Variants in CCDC73 observed in about 807,000 individuals in gnomAD.
CCDC73 encodes coiled-coil domain containing 73, also known as coiled-coil domain-containing protein 73.
Under a neutral mutation model 116.5 loss-of-function variants are expected in CCDC73, and 95 were observed. The observed-to-expected ratio is 0.82, with a 90% CI of 0.69 to 0.97. The LOEUF (loss-of-function observed/expected upper bound fraction) is 0.97, where lower values mean the gene tolerates loss of function less well. Among genes scored for constraint, CCDC73 ranks in the 50% least tolerant of loss-of-function variants. CCDC73 has a pLI of 0.00. For synonymous variants in CCDC73, 398 were observed against 401.3 expected (o/e 0.99, Z 0.10); for missense variants, 1,066 against 1,206.8 (o/e 0.88, Z 1.73).
chr11:32,772,515 A>G (rs1003601727), intron 1 of CCDC73, among the ~76,000 whole-genome samples: 2 of 152,170 alleles, frequency 1.3e-5, no homozygotes, highest in African/African-American at 4.8e-5. Context: ...TTGAGATAAT[A>G]TTCCTGAATC....
chr11:32,725,108 TAAG>T (rs1436274425), intron 2 of CCDC73, among the ~76,000 whole-genome samples: 3 of 152,090 alleles, frequency 2.0e-5, no homozygotes, highest in South Asian at 2.1e-4. Context: ...TTTAGTGAAG[TAAG>T]AAGATGTCTT....
chr11:32,798,682 A>T (rs1444850567), upstream of CCDC73, among the ~76,000 whole-genome samples: 2 of 152,246 alleles, frequency 1.3e-5, no homozygotes, highest in Admixed American at 1.3e-4. Flanking sequence ...TTCATGAATG[A>T]GTAAGCAAAG....
chr11:32,626,264 T>C (rs1855572587), intron 14 of CCDC73, among the ~76,000 whole-genome samples: 1 of 151,756 alleles, frequency 6.6e-6, no homozygotes, highest in Non-Finnish European at 1.5e-5. Context: ...GAATCCAACT[T>C]ACAAGGGACG....
At chr11:32,709,975 T>C (rs1428588907) in intron 3 of CCDC73, among the ~76,000 whole-genome samples, 2 of 152,196 alleles carry the variant, frequency 1.3e-5, no homozygotes, top group Non-Finnish European at 2.9e-5. Context: ...CTCTAAGTTT[T>C]CTAGTTTATG....
In CCDC73 at chr11:32,760,262, TA is replaced by T; in HGVS notation, c.-15-5del. The T allele has an allele frequency of 6.7e-7, 1 of 1,494,442 alleles. No individual in the cohort carries two copies. Among genetic ancestry groups the T allele is most frequent in the Non-Finnish European group, 9.1e-7 (1 of 1,104,584 alleles). 92.6% of individuals were successfully genotyped at this position (1,494,442 alleles called of 1,614,324 possible). A position where few individuals can be genotyped will look rare whatever the true frequency, so the allele number is the denominator to read the frequency against. On this transcript the variant is annotated splice_region_variant and splice_polypyrimidine_tract_variant and intron_variant, in intron 1 of 17. Coordinates refer to ENST00000335185, the MANE Select transcript of CCDC73 (RefSeq NM_001008391.4). ...TTTCCATATTAATATTTATTTCCTG[TA>T]ATGTAAAAAGGTCTTAACTGAAAAA... is the stretch of plus-strand genomic sequence containing the variant.
the CCDC73 span, chr11:32,830,268 T>C: frequency 1.0e-6 from 1 of 1,000,412 alleles, no homozygotes; most frequent in South Asian, 4.1e-5. Context: ...ATAGCGAGGG[T>C]TGCCCGCGGC....
chr11:32,671,618 A>G (rs1232554196), intron 9 of CCDC73, among the ~76,000 whole-genome samples: 1 of 152,218 alleles, frequency 6.6e-6, no homozygotes, highest in Non-Finnish European at 1.5e-5. Flanking sequence ...TCAAAGCTAC[A>G]TAAGACACAT....
At chr11:32,817,816 T>G in the CCDC73 span, among the ~76,000 whole-genome samples, 4 of 152,214 alleles carry the variant, frequency 2.6e-5, no homozygotes, top group Non-Finnish European at 5.9e-5. Flanking sequence ...TTCCAAAATA[T>G]GAACCATAAT....
chr11:32,811,071 C>CAAT, the CCDC73 span, among the ~76,000 whole-genome samples: 1 of 31,132 alleles, frequency 3.2e-5, no homozygotes, highest in African/African-American at 3.5e-4. Flanking sequence ...AAAACAACAA[C>CAAT]AACAACAAAA....
At chr11:32,802,238 T>C in the CCDC73 span, among the ~76,000 whole-genome samples, 1 of 152,234 alleles carries the variant, frequency 6.6e-6, no homozygotes, top group Non-Finnish European at 1.5e-5. Flanking sequence ...GTATTATTAC[T>C]ATATGAAATG....
intron 6 of CCDC73, among the ~76,000 whole-genome samples, chr11:32,684,791 T>C (rs895213418): frequency 4.6e-5 from 7 of 152,120 alleles, no homozygotes; most frequent in Non-Finnish European, 8.8e-5. Flanking sequence ...AAAACCAACC[T>C]GGGCAACATG....
At chr11:32,657,229 C>G (rs1855882203) in intron 9 of CCDC73, among the ~76,000 whole-genome samples, 1 of 152,254 alleles carries the variant, frequency 6.6e-6, no homozygotes, top group Middle Eastern at 3.4e-3. Flanking sequence ...AAAAACTCAC[C>G]CAAGTATATC....
At chr11:32,818,701 C>T in the CCDC73 span, among the ~76,000 whole-genome samples, 1 of 151,802 alleles carries the variant, frequency 6.6e-6, no homozygotes, top group Non-Finnish European at 1.5e-5. Flanking sequence ...GCCGTATATC[C>T]ACACAATGGA....
chr11:32,797,009 CAAAAAAAAA>C (rs1163144111), upstream of CCDC73, among the ~76,000 whole-genome samples: 46 of 74,608 alleles, frequency 6.2e-4, 2 homozygotes, highest in Admixed American at 8.0e-3. Context: ...GAGACTGCCT[CAAAAAAAAA>C]AAAAAAAAAA....
At chr11:32,607,323 A>G (rs562008115) in intron 17 of CCDC73, among the ~76,000 whole-genome samples, 1 of 149,040 alleles carries the variant, frequency 6.7e-6, no homozygotes, top group African/African-American at 2.5e-5. Flanking sequence ...CGATCTCCTG[A>G]CCTCGTGATC....
At chr11:32,789,877 C>G (rs934586061) in intron 1 of CCDC73, among the ~76,000 whole-genome samples, 7 of 152,006 alleles carry the variant, frequency 4.6e-5, no homozygotes, top group Non-Finnish European at 1.0e-4. Flanking sequence ...AGATGGACAC[C>G]CAGCATGAGA....
chr11:32,614,987 G>T, intron 15 of CCDC73, 45 bp from the exon 16 acceptor site: 2 of 1,161,290 alleles, frequency 1.7e-6, no homozygotes, highest in Non-Finnish European at 2.4e-6. Flanking sequence ...ATACACTAAA[G>T]GCTGATTTCA....
intron 3 of CCDC73, among the ~76,000 whole-genome samples, chr11:32,706,678 A>G (rs1387597653): frequency 6.6e-6 from 1 of 152,160 alleles, no homozygotes; most frequent in African/African-American, 2.4e-5. Flanking sequence ...CTAAATATTA[A>G]AAGTAACCTC....
rs757488033 is a variant in CCDC73, at chr11:32,611,151, G to T, written c.3011C>A (p.Ser1004Tyr). The change falls in exon 17 of 18, where the codon TCC becomes TAC. Residue 1004 changes from serine (S) to tyrosine (Y), a missense_variant. By Grantham distance (144) the Ser-to-Tyr change is moderately radical. Coordinates refer to ENST00000335185, the MANE Select transcript of CCDC73 (RefSeq NM_001008391.4). ...KNAMAKTFYDSSFPTEHVKTK... is the reference protein window; with the variant it reads ...KNAMAKTFYDYSFPTEHVKTK... ...ACTTACATGTTCTGTGGGAAAAGAG[G>T]AATCATAAAAAGTCTTTGCCATTGC... 1 of 1,613,822 alleles carries T rather than the reference G, an allele frequency of 6.2e-7. No homozygotes were observed. The highest frequency in any genetic ancestry group is 1.1e-5 in the South Asian group (1 of 91,036).
Sources: allele counts gnomAD v4.1 joint callset (sites outside exome capture counted in the v4.1 genomes callset), GRCh38; gene constraint gnomAD v4.1.1; transcripts MANE v1.5; gene names NCBI Gene and HGNC (gene_info 2026-07-23, HGNC 2026-07-21).